Variants in GRID2 observed in about 807,000 individuals in gnomAD.
GRID2 encodes the protein glutamate receptor ionotropic, delta-2.
In GRID2, 33 loss-of-function variants were observed where a neutral mutation model predicts 114.8. The ratio of observed to expected loss-of-function variants is 0.29; its 90% CI spans 0.22 to 0.38. The LOEUF (loss-of-function observed/expected upper bound fraction) is 0.38, where lower values mean the gene tolerates loss of function less well. Among genes scored for constraint, GRID2 ranks in the 10% least tolerant of loss-of-function variants. The pLI is 1.00. For synonymous variants in GRID2, 505 were observed against 449.9 expected, an observed-to-expected ratio of 1.12 and a Z score of -1.55; for missense variants, 1,184 against 1,257.7, an observed-to-expected ratio of 0.94 and a Z score of 0.89.
At chr4:92,544,154 CA>C (rs1726121540) in intron 1 of GRID2, among the ~76,000 whole-genome samples, 1 of 152,104 alleles carries the variant, frequency 6.6e-6, no homozygotes, top group Non-Finnish European at 1.5e-5. Flanking sequence ...TTCCTCTCAA[CA>C]AAATGTTGCC....
intron 4 of GRID2, among the ~76,000 whole-genome samples, chr4:93,127,313 G>C (rs1022123559): frequency 6.6e-6 from 1 of 151,994 alleles, no homozygotes; most frequent in Admixed American, 6.5e-5. Flanking sequence ...TTTGTGTTGT[G>C]GTCTTTGAAC....
intron 13 of GRID2, among the ~76,000 whole-genome samples, chr4:93,542,337 A>G (rs532121983): frequency 3.9e-5 from 6 of 152,292 alleles, no homozygotes; most frequent in African/African-American, 1.4e-4. Flanking sequence ...CCCAGAAAAA[A>G]GTACCTTTTC....
At chr4:93,009,292 A>G (rs1721876253) in intron 2 of GRID2, among the ~76,000 whole-genome samples, 3 of 152,104 alleles carry the variant, frequency 2.0e-5, no homozygotes, top group African/African-American at 7.2e-5. Flanking sequence ...GTTTCTTACT[A>G]CACTGCTATC....
At chr4:92,823,837 G>C (rs919302456) in intron 2 of GRID2, among the ~76,000 whole-genome samples, 4 of 152,120 alleles carry the variant, frequency 2.6e-5, no homozygotes, top group Non-Finnish European at 5.9e-5. Flanking sequence ...TTTCCTAGGA[G>C]TGTGCATTGT....
intron 14 of GRID2, among the ~76,000 whole-genome samples, chr4:93,732,113 G>T (rs1487817396): frequency 6.6e-6 from 1 of 152,156 alleles, no homozygotes; most frequent in African/African-American, 2.4e-5. Context: ...ACCCCCATCA[G>T]AATCCCATTA....
Position 92,465,315 on chromosome 4 carries a change from C to A in GRID2, c.89-124816C>A, listed in dbSNP as rs566952521. Among the ~76,000 whole-genome samples the A allele has an allele frequency of 5.9e-5, 9 of 151,738 alleles. No individual in the cohort carries two copies. In the South Asian group the frequency reaches 1.9e-3, roughly 31 times the overall value. On this transcript the variant is annotated intron_variant, in intron 1 of 15. Coordinates refer to ENST00000282020, the MANE Select transcript of GRID2 (RefSeq NM_001510.4). ...TTCAGGCAGAGAGAACAAGTACAGA[C>A]TCAAGAAAATGTTATGTAATTAACA...
chr4:92,484,759 A>G (rs1722784185), intron 1 of GRID2, among the ~76,000 whole-genome samples: 1 of 152,104 alleles, frequency 6.6e-6, no homozygotes, highest in African/African-American at 2.4e-5. Flanking sequence ...CATATGAAGA[A>G]GTACTATACA....
At chr4:93,368,835 G>T (rs1762592088) in intron 8 of GRID2, among the ~76,000 whole-genome samples, 1 of 152,114 alleles carries the variant, frequency 6.6e-6, no homozygotes, top group Non-Finnish European at 1.5e-5. Context: ...AATTTAAAGA[G>T]TCTTCCACTT....
chr4:93,307,839 G>C (rs1048454948), intron 8 of GRID2, among the ~76,000 whole-genome samples: 2 of 150,372 alleles, frequency 1.3e-5, no homozygotes, highest in African/African-American at 4.9e-5. Context: ...GGGGTAAACT[G>C]TTTGACTTTA....
At chr4:93,390,887 T>C (rs967811651) in intron 8 of GRID2, among the ~76,000 whole-genome samples, 60 of 152,098 alleles carry the variant, frequency 3.9e-4, no homozygotes, top group Non-Finnish European at 1.3e-4. Context: ...GTTCTCATGT[T>C]TTCTTCATTT....
intron 2 of GRID2, among the ~76,000 whole-genome samples, chr4:92,980,245 T>A (rs1387767505): frequency 1.3e-5 from 2 of 152,092 alleles, no homozygotes; most frequent in African/African-American, 4.8e-5. Context: ...AGTTCCTTTT[T>A]AAAAATATTA....
chr4:93,720,814 A>G (rs1310807644), intron 14 of GRID2, among the ~76,000 whole-genome samples: 1 of 152,232 alleles, frequency 6.6e-6, no homozygotes, highest in African/African-American at 2.4e-5. Context: ...AATCTCTATG[A>G]TGGGACTAAT....
intron 2 of GRID2, among the ~76,000 whole-genome samples, chr4:92,591,962 C>A (rs1053947939): frequency 1.3e-5 from 2 of 151,782 alleles, no homozygotes; most frequent in Non-Finnish European, 2.9e-5. Context: ...AAATCAGAAT[C>A]ATCCCGACAA....
intron 2 of GRID2, among the ~76,000 whole-genome samples, chr4:92,612,633 G>T (rs963386995): frequency 1.3e-5 from 2 of 151,414 alleles, no homozygotes; most frequent in Non-Finnish European, 3.0e-5. Context: ...TATGCAGAAA[G>T]ATTTTTTTGG....
At chr4:92,480,255 CT>C (rs1268132523) in intron 1 of GRID2, among the ~76,000 whole-genome samples, 1 of 152,028 alleles carries the variant, frequency 6.6e-6, no homozygotes, top group Non-Finnish European at 1.5e-5. Context: ...AATTGTCTTG[CT>C]TTAAGTGAAT....
intron 10 of GRID2, among the ~76,000 whole-genome samples, chr4:93,449,193 G>A (rs1264461639): frequency 6.6e-6 from 1 of 151,850 alleles, no homozygotes; most frequent in Non-Finnish European, 1.5e-5. Flanking sequence ...AGCAAGAGAA[G>A]GAAACAGTTT....
intron 4 of GRID2, among the ~76,000 whole-genome samples, chr4:93,190,711 G>C (rs201711876): frequency 3.6e-4 from 55 of 152,100 alleles, no homozygotes; most frequent in Admixed American, 1.4e-3. Flanking sequence ...TATGACCTAC[G>C]CTATTTCCTA....
chr4:92,633,149 C>T (rs986409838), intron 2 of GRID2, among the ~76,000 whole-genome samples: 1 of 152,088 alleles, frequency 6.6e-6, no homozygotes, highest in African/African-American at 2.4e-5. Flanking sequence ...GTGCATGACA[C>T]ACATTCTGAG....
intron 11 of GRID2, among the ~76,000 whole-genome samples, chr4:93,486,025 T>C (rs1045304008): frequency 6.6e-6 from 1 of 151,740 alleles, no homozygotes; most frequent in African/African-American, 2.4e-5. Context: ...TGAATCTTCC[T>C]TTATTTTACT....
Sources: gnomAD v4.1 joint callset for allele counts (sites outside exome capture counted in the v4.1 genomes callset) on GRCh38, gnomAD v4.1.1 for gene constraint, MANE v1.5 for transcripts, NCBI Gene and HGNC (gene_info 2026-07-23, HGNC 2026-07-21) for gene names.